Variants in GPATCH2 observed in about 807,000 individuals in gnomAD.
The protein encoded by GPATCH2 is G-patch domain containing 2, also known as G patch domain-containing protein 2.
In GPATCH2, 51 loss-of-function variants were observed where a neutral mutation model predicts 58.0. That is an observed-to-expected ratio of 0.88 (90% CI 0.70 to 1.11). GPATCH2 has a LOEUF of 1.11. Among genes scored for constraint, GPATCH2 ranks in the 50% most tolerant of loss-of-function variants. GPATCH2 has a pLI of 0.00. For synonymous variants in GPATCH2, 222 were observed against 218.5 expected, an observed-to-expected ratio of 1.02 and a Z score of -0.14; for missense variants, 625 against 652.2, an observed-to-expected ratio of 0.96 and a Z score of 0.45.
At chr1:217,530,667 C>T (rs1206656298) in intron 5 of GPATCH2, among the ~76,000 whole-genome samples, 2 of 152,034 alleles carry the variant, frequency 1.3e-5, no homozygotes, top group Non-Finnish European at 2.9e-5. Flanking sequence ...ATTTTTTTCT[C>T]GTGATTGTAT....
chr1:217,543,490 C>T (rs1049862046), intron 5 of GPATCH2, among the ~76,000 whole-genome samples: 1 of 152,010 alleles, frequency 6.6e-6, no homozygotes, highest in South Asian at 2.1e-4. Context: ...AGGATGGTCT[C>T]GATCTCCTGA....
intron 9 of GPATCH2, 52 bp downstream of exon 9, chr1:217,449,197 T>C (rs1659539779): frequency 2.2e-6 from 2 of 925,374 alleles, no homozygotes; most frequent in Admixed American, 1.8e-5. Flanking sequence ...TTATTCTTCA[T>C]GATTTATGAA....
intron 5 of GPATCH2, among the ~76,000 whole-genome samples, chr1:217,533,351 T>A (rs1339725005): frequency 6.6e-6 from 1 of 152,172 alleles, no homozygotes; most frequent in Non-Finnish European, 1.5e-5. Context: ...AATTCAAGAA[T>A]CTACAAGCAC....
chr1:217,459,042 T>C (rs1423657571), intron 8 of GPATCH2, among the ~76,000 whole-genome samples: 1 of 152,302 alleles, frequency 6.6e-6, no homozygotes. Flanking sequence ...CTTATTGAAC[T>C]AAAATGAATA....
At chr1:217,511,513 A>G (rs561405998) in intron 6 of GPATCH2, among the ~76,000 whole-genome samples, 39 of 152,220 alleles carry the variant, frequency 2.6e-4, no homozygotes, top group Non-Finnish European at 4.1e-4. Context: ...GAATTTGATA[A>G]TAAGAGTCAG....
intron 5 of GPATCH2, among the ~76,000 whole-genome samples, chr1:217,531,544 C>CA (rs936318572): frequency 4.6e-5 from 7 of 151,488 alleles, no homozygotes; most frequent in South Asian, 2.1e-4. Context: ...AAATAGTACA[C>CA]AAAAAAAATA....
intron 5 of GPATCH2, among the ~76,000 whole-genome samples, chr1:217,606,374 C>T (rs891931414): frequency 2.6e-5 from 4 of 151,584 alleles, no homozygotes; most frequent in African/African-American, 9.7e-5. Context: ...AAGAAAGAGG[C>T]CAGTTCAAAT....
chr1:217,547,172 G>A (rs541240770), intron 5 of GPATCH2, among the ~76,000 whole-genome samples: 5 of 152,124 alleles, frequency 3.3e-5, no homozygotes, highest in South Asian at 2.1e-4. Flanking sequence ...GACCACCCTG[G>A]CCAACATAGT....
intron 5 of GPATCH2, among the ~76,000 whole-genome samples, chr1:217,583,829 A>G (rs1667192324): frequency 6.6e-6 from 1 of 152,158 alleles, no homozygotes; most frequent in African/African-American, 2.4e-5. Context: ...TTAGTGGAAC[A>G]GATATCTCAG....
At chr1:217,479,377 G>GAA (rs1661113893) in intron 8 of GPATCH2, among the ~76,000 whole-genome samples, 1 of 152,130 alleles carries the variant, frequency 6.6e-6, no homozygotes, top group Non-Finnish European at 1.5e-5. Context: ...AAAAAGTAGA[G>GAA]AATGAGGTTG....
chr1:217,498,465 G>T, intron 6 of GPATCH2, 70 bp from the exon 7 acceptor site: 1 of 1,138,720 alleles, frequency 8.8e-7, no homozygotes, highest in Non-Finnish European at 1.3e-6. Flanking sequence ...TGATCGAGCC[G>T]CATGTGCTTT....
At chr1:217,532,284 AT>A (rs1664231485) in intron 5 of GPATCH2, among the ~76,000 whole-genome samples, 1 of 152,212 alleles carries the variant, frequency 6.6e-6, no homozygotes, top group African/African-American at 2.4e-5. Context: ...CATATTAAAT[AT>A]TTCTAATGCT....
chr1:217,536,957 G>GC (rs1245664277), intron 5 of GPATCH2, among the ~76,000 whole-genome samples: 1 of 152,126 alleles, frequency 6.6e-6, no homozygotes, highest in Non-Finnish European at 1.5e-5. Context: ...GGGTGACAGA[G>GC]CGAGACTCCA....
At chr1:217,606,495 C>T (rs1668367034) in intron 5 of GPATCH2, among the ~76,000 whole-genome samples, 1 of 152,112 alleles carries the variant, frequency 6.6e-6, no homozygotes, top group East Asian at 1.9e-4. Context: ...CGGTGCTTCA[C>T]GCCTGTAATC....
intron 5 of GPATCH2, among the ~76,000 whole-genome samples, chr1:217,569,514 G>A (rs1478374831): frequency 1.3e-5 from 2 of 151,704 alleles, no homozygotes; most frequent in Non-Finnish European, 2.9e-5. Flanking sequence ...GGCTAACGTG[G>A]CGAAACCCCG....
chr1:217,460,019 T>C (rs1395524293), intron 8 of GPATCH2, among the ~76,000 whole-genome samples: 1 of 152,190 alleles, frequency 6.6e-6, no homozygotes, highest in Non-Finnish European at 1.5e-5. Context: ...TTTAATTTTA[T>C]TTTTCCATTT....
chr1:217,525,189 T>C (rs1330474232), intron 5 of GPATCH2, among the ~76,000 whole-genome samples: 4 of 151,940 alleles, frequency 2.6e-5, no homozygotes, highest in Admixed American at 6.6e-5. Flanking sequence ...TCCAGTATAT[T>C]TCAACCTTCA....
intron 8 of GPATCH2, among the ~76,000 whole-genome samples, chr1:217,473,965 G>T (rs1660853220): frequency 6.6e-6 from 1 of 152,092 alleles, no homozygotes. Context: ...TCCATATTAA[G>T]AATCAGTGTG....
At position 217,620,073 on chromosome 1, in the gene GPATCH2, C is replaced by T. The variant is rs753175891; in HGVS notation, c.483G>A (p.Arg161=). 5.0e-6 allele frequency: 8 copies of T among 1,613,910 alleles called. No homozygotes were observed. The highest frequency in any genetic ancestry group is 4.4e-5 in the South Asian group (4 of 91,086). Residue 161 remains arginine (R), a synonymous_variant, in exon 2 of 10, where the codon AGG becomes AGA. Transcript: ENST00000366935. The part of the protein sequence containing the change: ...DNVGNRTLRR[R]RKVKRMAVDL... ...CTACTGCCATGCGTTTTACCTTTCT[C>T]CTCCTGCGCAGAGTTCTATTCCCAA...
Sources: gnomAD v4.1 joint callset for allele counts (sites outside exome capture counted in the v4.1 genomes callset) on GRCh38, gnomAD v4.1.1 for gene constraint, MANE v1.5 for transcripts, NCBI Gene and HGNC (gene_info 2026-07-23, HGNC 2026-07-21) for gene names.